Variants in SCRN1 observed in about 807,000 individuals in gnomAD.
SCRN1 encodes secernin 1.
A neutral mutation model predicts 43.3 loss-of-function variants in SCRN1; 19 were observed. The ratio of observed to expected loss-of-function variants is 0.44; its 90% CI spans 0.31 to 0.64. The LOEUF (loss-of-function observed/expected upper bound fraction) is 0.64, where lower values mean the gene tolerates loss of function less well. Among genes scored for constraint, SCRN1 ranks in the 30% least tolerant of loss-of-function variants. SCRN1 has a pLI of 0.09. For synonymous variants in SCRN1, 183 were observed against 188.9 expected, an observed-to-expected ratio of 0.97 and a Z score of 0.26; for missense variants, 447 against 524.1, an observed-to-expected ratio of 0.85 and a Z score of 1.44.
At position 29,955,243 on chromosome 7, in the gene SCRN1, C is replaced by T. The variant is rs1485417712; in HGVS notation, c.277G>A (p.Glu93Lys). Reference protein sequence around the residue: ...ANEHGVCIANEAINTREPAAE... With the variant: ...ANEHGVCIANKAINTREPAAE... ...GCTGGCTCTCTGGTGTTGATGGCTTCATTGGCTATGCACACTCCATGTTCA... is the reference window on the plus strand; with the variant it reads ...GCTGGCTCTCTGGTGTTGATGGCTTTATTGGCTATGCACACTCCATGTTCA... Residue 93 changes from glutamate to lysine, a missense_variant, in exon 3 of 8, where the codon GAA becomes AAA. Transcript: ENST00000242059. 6.2e-7 allele frequency: 1 copy of T among 1,614,186 alleles called. No homozygotes were observed. Among genetic ancestry groups the T allele is most frequent in the South Asian group, 1.1e-5 (1 of 91,082 alleles).
chr7:29,947,890 G>A (rs1787787473), intron 3 of SCRN1, among the ~76,000 whole-genome samples: 1 of 152,206 alleles, frequency 6.6e-6, no homozygotes, highest in African/African-American at 2.4e-5. Context: ...GGATACGGGG[G>A]AAGATGGCCG....
At chr7:29,932,083 T>C (rs1219515434) in intron 6 of SCRN1, among the ~76,000 whole-genome samples, 1 of 151,772 alleles carries the variant, frequency 6.6e-6, no homozygotes, top group East Asian at 1.9e-4. Flanking sequence ...CCAGTACTTT[T>C]GAAGCACCGA....
intron 2 of SCRN1, among the ~76,000 whole-genome samples, chr7:29,967,084 ATAGAGGT>A (rs1350626273): frequency 6.6e-6 from 1 of 152,190 alleles, no homozygotes; most frequent in Non-Finnish European, 1.5e-5. Flanking sequence ...GCACCAAAGA[ATAGAGGT>A]TATGTAGTGA....
chr7:29,941,935 G>A (rs887154805), intron 4 of SCRN1, among the ~76,000 whole-genome samples: 1 of 152,210 alleles, frequency 6.6e-6, no homozygotes, highest in African/African-American at 2.4e-5. Flanking sequence ...CAAGCTACAG[G>A]AAAGCCATCA....
chr7:29,975,108 A>G (rs1788772698), intron 1 of SCRN1, among the ~76,000 whole-genome samples: 1 of 146,096 alleles, frequency 6.8e-6, no homozygotes, highest in Non-Finnish European at 1.5e-5. Context: ...TCACAAAGAA[A>G]AAGAAAAAAA....
At chr7:29,944,297 TAA>T in intron 3 of SCRN1, 118 bp from the exon 4 acceptor site, 3 of 803,108 alleles carry the variant, frequency 3.7e-6, no homozygotes, top group Non-Finnish European at 4.1e-6. Flanking sequence ...GTAAACATGT[TAA>T]GTCTGCAGAA....
At chr7:29,990,130 C>G, upstream of SCRN1, 1 of 1,551,320 alleles carries the variant, frequency 6.4e-7, no homozygotes, top group Non-Finnish European at 8.7e-7. Context: ...GTTGCTACGT[C>G]CGGGCCTCGG....
At position 29,921,459 on chromosome 7, in the gene SCRN1, C is replaced by T. The variant is rs1786754491; in HGVS notation, c.*2498G>A. The T allele has an allele frequency of 6.6e-6, 1 of 152,218 alleles. No individual in the cohort carries two copies. Among genetic ancestry groups the T allele is most frequent in the Non-Finnish European group, 1.5e-5 (1 of 68,052 alleles). The allele number at this position is 152,218 out of a possible 1,614,324, so 9.4% of individuals were successfully genotyped here. A position where few individuals can be genotyped will look rare whatever the true frequency, so the allele number is the denominator to read the frequency against. On this transcript the variant is annotated 3_prime_UTR_variant, in exon 8 of 8. Coordinates refer to ENST00000242059, the MANE Select transcript of SCRN1 (RefSeq NM_014766.5). ...CTGTTAATATAAGTACATAAAGTCA[C>T]TAAAAGTAAGCGCAGCCACATCAGC... is the stretch of plus-strand genomic sequence containing the variant.
intron 2 of SCRN1, 83 bp from the exon 3 acceptor site, chr7:29,955,443 C>T: frequency 7.5e-7 from 1 of 1,329,120 alleles, no homozygotes; most frequent in Non-Finnish European, 1.0e-6. Context: ...ACTGAACCAT[C>T]ATATTAGTTA....
At chr7:29,987,927 G>A (rs923820595) in intron 1 of SCRN1, among the ~76,000 whole-genome samples, 1 of 152,062 alleles carries the variant, frequency 6.6e-6, no homozygotes, top group Non-Finnish European at 1.5e-5. Flanking sequence ...TCTGCCCCCC[G>A]ACCTTAGCTC....
intron 6 of SCRN1, among the ~76,000 whole-genome samples, chr7:29,930,426 C>A (rs932349598): frequency 4.6e-5 from 7 of 152,122 alleles, no homozygotes; most frequent in Admixed American, 3.3e-4. Context: ...TAAGGAGATA[C>A]TCTGACATTT....
chr7:29,923,889 GGT>G lies in SCRN1; in HGVS notation c.*66_*67del. 6.7e-7 allele frequency: 1 copy of G among 1,487,600 alleles called. No individual in the cohort carries two copies. Among genetic ancestry groups the G allele is most frequent in the Non-Finnish European group, 9.1e-7 (1 of 1,098,934 alleles). 92.2% of individuals were successfully genotyped at this position (1,487,600 alleles called of 1,614,324 possible). A position where few individuals can be genotyped will look rare whatever the true frequency, so the allele number is the denominator to read the frequency against. ...TCTCATTTTACTCAAACAGGAGAGT[GGT>G]TTGTTTTGCTGGTAATTTAGTAAGG... On this transcript the variant is annotated 3_prime_UTR_variant, in exon 8 of 8. Coordinates refer to ENST00000242059, the MANE Select transcript of SCRN1 (RefSeq NM_014766.5).
At chr7:29,980,484 A>G (rs2127931145) in intron 1 of SCRN1, among the ~76,000 whole-genome samples, 1 of 152,272 alleles carries the variant, frequency 6.6e-6, no homozygotes, top group Middle Eastern at 3.4e-3. Flanking sequence ...ATCTTTTCCC[A>G]TTAATGTGAT....
chr7:29,986,659 A>G (rs1021123502), intron 1 of SCRN1, among the ~76,000 whole-genome samples: 1 of 150,928 alleles, frequency 6.6e-6, no homozygotes, highest in Admixed American at 6.6e-5. Context: ...TATTTTAAAT[A>G]TCTTTGGCAT....
chr7:29,969,102 G>A, intron 1 of SCRN1, 34 bp from the exon 2 acceptor site: 1 of 1,598,104 alleles, frequency 6.3e-7, no homozygotes, highest in Non-Finnish European at 8.5e-7. Context: ...GTGGAAGCAG[G>A]CCTCACATGG....
intron 6 of SCRN1, 71 bp from the exon 7 acceptor site, chr7:29,926,703 T>C: frequency 6.9e-7 from 1 of 1,442,526 alleles, no homozygotes; most frequent in Non-Finnish European, 9.5e-7. Context: ...ACTGTCCTTT[T>C]ATTCAGCAAA....
intron 1 of SCRN1, among the ~76,000 whole-genome samples, chr7:29,985,092 C>T (rs1301069486): frequency 7.0e-6 from 1 of 142,732 alleles, no homozygotes; most frequent in Non-Finnish European, 1.5e-5. Context: ...GTAGACAGCT[C>T]TTGTTCATCT....
At chr7:29,946,246 A>G (rs1247942253) in intron 3 of SCRN1, among the ~76,000 whole-genome samples, 1 of 152,232 alleles carries the variant, frequency 6.6e-6, no homozygotes, top group Non-Finnish European at 1.5e-5. Flanking sequence ...GGTCAATGTC[A>G]TCTTCTCCAA....
intron 1 of SCRN1, among the ~76,000 whole-genome samples, chr7:29,971,803 G>A (rs1788673580): frequency 6.6e-6 from 1 of 152,082 alleles, no homozygotes; most frequent in South Asian, 2.1e-4. Context: ...CTTTGTATGG[G>A]ACTGTATTGC....
Sources: allele counts gnomAD v4.1 joint callset (sites outside exome capture counted in the v4.1 genomes callset), GRCh38; gene constraint gnomAD v4.1.1; transcripts MANE v1.5; gene names NCBI Gene and HGNC (gene_info 2026-07-23, HGNC 2026-07-21).